OSBPL9: variants seen among roughly 807,000 people sequenced by gnomAD.
OSBPL9 encodes the protein oxysterol binding protein like 9, also known as oxysterol-binding protein-related protein 9.
Under a neutral mutation model 106.6 loss-of-function variants are expected in OSBPL9, and 40 were observed. The ratio of observed to expected loss-of-function variants is 0.38; its 90% CI spans 0.29 to 0.49. The LOEUF (loss-of-function observed/expected upper bound fraction) is 0.49, where lower values mean the gene tolerates loss of function less well. Among genes scored for constraint, OSBPL9 ranks in the 20% least tolerant of loss-of-function variants. The pLI, the probability that OSBPL9 is intolerant of heterozygous loss-of-function variation, is 0.97. For missense variants in OSBPL9, 609 were observed against 887.2 expected (o/e 0.69, Z 3.98); for synonymous variants, 269 against 295.4 (o/e 0.91, Z 0.92).
At chr1:51,684,264 C>T (rs1432900986) in intron 3 of OSBPL9, among the ~76,000 whole-genome samples, 4 of 152,090 alleles carry the variant, frequency 2.6e-5, no homozygotes, top group Non-Finnish European at 5.9e-5. Flanking sequence ...CTACTTTGGC[C>T]TCCCAAAGTG....
intron 4 of OSBPL9, among the ~76,000 whole-genome samples, chr1:51,719,460 C>A (rs944765526): frequency 6.6e-6 from 1 of 150,600 alleles, no homozygotes; most frequent in Non-Finnish European, 1.5e-5. Flanking sequence ...TTTTTTTTAA[C>A]CCTAGTAAGC....
intron 3 of OSBPL9, among the ~76,000 whole-genome samples, chr1:51,681,532 A>G (rs920796405): frequency 6.6e-6 from 1 of 152,152 alleles, no homozygotes; most frequent in Non-Finnish European, 1.5e-5. Flanking sequence ...TATGTTTATT[A>G]TTATTCCCAT....
chr1:51,673,838 G>A (rs752522161), intron 3 of OSBPL9, among the ~76,000 whole-genome samples: 54 of 151,938 alleles, frequency 3.6e-4, no homozygotes, highest in Non-Finnish European at 7.2e-4. Context: ...CTGGTGCATA[G>A]CCACTGCACT....
the OSBPL9 span, among the ~76,000 whole-genome samples, chr1:51,558,052 G>A: frequency 8.5e-5 from 13 of 152,078 alleles, no homozygotes; most frequent in Admixed American, 5.9e-4. Context: ...AGGCCAAGGC[G>A]GGCAGATCAC....
At chr1:51,551,921 G>C in the OSBPL9 span, among the ~76,000 whole-genome samples, 1 of 151,030 alleles carries the variant, frequency 6.6e-6, no homozygotes, top group Admixed American at 6.6e-5. Context: ...TTCCGGGATA[G>C]TGTTTATTTA....
At chr1:51,672,688 A>C (rs1308029416) in intron 3 of OSBPL9, among the ~76,000 whole-genome samples, 1 of 152,224 alleles carries the variant, frequency 6.6e-6, no homozygotes, top group Non-Finnish European at 1.5e-5. Flanking sequence ...TATATTGCTA[A>C]GTAATACTTC....
At chr1:51,760,492 C>A in intron 9 of OSBPL9, 198 bp from the exon 10 acceptor site, 1 of 621,656 alleles carries the variant, frequency 1.6e-6, no homozygotes, top group Non-Finnish European at 2.5e-6. Flanking sequence ...GAGATTCATT[C>A]ATTGTCTTTC....
At chr1:51,704,501 C>T (rs1311661627) in intron 3 of OSBPL9, among the ~76,000 whole-genome samples, 4 of 152,164 alleles carry the variant, frequency 2.6e-5, no homozygotes, top group Non-Finnish European at 5.9e-5. Context: ...AAAGTTACTT[C>T]ATGTTTTAGT....
chr1:51,695,952 A>T (rs538996193), intron 3 of OSBPL9, among the ~76,000 whole-genome samples: 1 of 152,334 alleles, frequency 6.6e-6, no homozygotes, highest in East Asian at 1.9e-4. Context: ...TGAACAGTAC[A>T]TACAATCTAA....
chr1:51,692,668 C>CTT (rs76854917), intron 3 of OSBPL9, among the ~76,000 whole-genome samples: 1 of 82,594 alleles, frequency 1.2e-5, no homozygotes, highest in Non-Finnish European at 2.5e-5. Context: ...TTTCTTTCTT[C>CTT]TTTTTTTTTT....
chr1:51,621,367 G>GT (rs1198357585), intron 1 of OSBPL9, among the ~76,000 whole-genome samples: 1 of 152,100 alleles, frequency 6.6e-6, no homozygotes, highest in Non-Finnish European at 1.5e-5. Context: ...GCCAGCGCCA[G>GT]TAATCCCAGC....
At chr1:51,533,485 C>CAAA in the OSBPL9 span, among the ~76,000 whole-genome samples, 1 of 54,440 alleles carries the variant, frequency 1.8e-5, no homozygotes. Flanking sequence ...GACTCTGTCT[C>CAAA]AAAAAAAAAA....
At chr1:51,727,034 G>A (rs1183598271) in intron 4 of OSBPL9, among the ~76,000 whole-genome samples, 1 of 152,028 alleles carries the variant, frequency 6.6e-6, no homozygotes, top group Non-Finnish European at 1.5e-5. Context: ...ATTGGAGCTG[G>A]CATCTCTTAA....
At chr1:51,755,363 A>G (rs1670109240) in intron 8 of OSBPL9, among the ~76,000 whole-genome samples, 1 of 152,142 alleles carries the variant, frequency 6.6e-6, no homozygotes, top group Non-Finnish European at 1.5e-5. Context: ...GAAACCCTAT[A>G]CCTATTAAGC....
chr1:51,546,382 T>C, the OSBPL9 span, among the ~76,000 whole-genome samples: 6 of 152,012 alleles, frequency 3.9e-5, no homozygotes, highest in Non-Finnish European at 7.4e-5. Context: ...ACAAAGAAGA[T>C]TGTTGAACAA....
chr1:51,556,751 A>G, the OSBPL9 span, among the ~76,000 whole-genome samples: 2 of 144,688 alleles, frequency 1.4e-5, no homozygotes, highest in East Asian at 3.9e-4. Context: ...TTACCACTGC[A>G]CTCCAGCCTG....
At chr1:51,583,526 C>T (rs1351302389) in intron 1 of OSBPL9, 1 of 152,230 alleles carries the variant, frequency 6.6e-6, no homozygotes, top group Non-Finnish European at 1.5e-5. Flanking sequence ...TCACTCTCGC[C>T]TCCACATCCC....
chr1:51,766,472 A>G (rs926551795), intron 12 of OSBPL9, among the ~76,000 whole-genome samples: 1 of 152,228 alleles, frequency 6.6e-6, no homozygotes, highest in Non-Finnish European at 1.5e-5. Context: ...CCCTGCCCAC[A>G]GGGAACTTTT....
At chr1:51,595,558 G>A (rs1435797451) in intron 1 of OSBPL9, among the ~76,000 whole-genome samples, 1 of 152,212 alleles carries the variant, frequency 6.6e-6, no homozygotes, top group Non-Finnish European at 1.5e-5. Flanking sequence ...GAAGAAATGG[G>A]GGAGGGAGGA....
Sources: allele counts gnomAD v4.1 joint callset (sites outside exome capture counted in the v4.1 genomes callset), GRCh38; gene constraint gnomAD v4.1.1; transcripts MANE v1.5; gene names NCBI Gene and HGNC (gene_info 2026-07-23, HGNC 2026-07-21).